LRP1B: variants seen among roughly 807,000 people sequenced by gnomAD.
LRP1B encodes the protein low-density lipoprotein receptor-related protein 1B.
LRP1B carries 217 observed loss-of-function variants against 556.6 expected under a neutral mutation model. The ratio of observed to expected loss-of-function variants is 0.39; its 90% CI spans 0.35 to 0.44. LRP1B has a LOEUF of 0.44. LRP1B is among the 20% of genes least tolerant of loss of function. The probability of loss-of-function intolerance (pLI) is 1.00; values close to 1 mark genes in which losing one functional copy is unlikely to be tolerated. For synonymous variants in LRP1B, 2,047 were observed against 1,865.8 expected (o/e 1.10, Z -2.50); for missense variants, 5,053 against 5,620.8 (o/e 0.90, Z 3.23).
At chr2:141,562,518 A>G (rs1405867937) in intron 2 of LRP1B, among the ~76,000 whole-genome samples, 1 of 151,978 alleles carries the variant, frequency 6.6e-6, no homozygotes, top group African/African-American at 2.4e-5. Context: ...CTGCATTTGC[A>G]TACTTAATAT....
intron 43 of LRP1B, among the ~76,000 whole-genome samples, chr2:140,547,175 G>A (rs1465170141): frequency 6.6e-6 from 1 of 152,128 alleles, no homozygotes; most frequent in East Asian, 1.9e-4. Flanking sequence ...CATGGAATGA[G>A]TTGTTGAAGA....
At chr2:141,672,892 C>T (rs963209525) in intron 2 of LRP1B, among the ~76,000 whole-genome samples, 4 of 152,146 alleles carry the variant, frequency 2.6e-5, no homozygotes, top group Admixed American at 2.6e-4. Flanking sequence ...TTTCCAGTCT[C>T]TGAATTCCTT....
chr2:140,405,814 G>A (rs778275923), intron 66 of LRP1B, among the ~76,000 whole-genome samples: 1 of 152,080 alleles, frequency 6.6e-6, no homozygotes, highest in South Asian at 2.1e-4. Flanking sequence ...CCAAAATATT[G>A]AGAAAGATAG....
At chr2:141,998,173 T>C (rs1702552705) in intron 1 of LRP1B, among the ~76,000 whole-genome samples, 1 of 152,162 alleles carries the variant, frequency 6.6e-6, no homozygotes, top group Admixed American at 6.5e-5. Context: ...GAGGTCCGGT[T>C]AAAAGAGACT....
chr2:140,924,047 A>G (rs1309128166), intron 20 of LRP1B, among the ~76,000 whole-genome samples: 2 of 152,020 alleles, frequency 1.3e-5, no homozygotes, highest in African/African-American at 4.8e-5. Flanking sequence ...CAAAGTTTTA[A>G]TGTAACAAAT....
At chr2:140,992,633 T>C (rs1490728606) in intron 16 of LRP1B, 2 of 152,118 alleles carry the variant, frequency 1.3e-5, no homozygotes, top group Non-Finnish European at 2.9e-5. Context: ...TTCTTTTTAA[T>C]TATTGCACTT....
chr2:140,538,804 T>C (rs1680026373), intron 45 of LRP1B, among the ~76,000 whole-genome samples: 2 of 130,640 alleles, frequency 1.5e-5, no homozygotes, highest in South Asian at 5.7e-4. Context: ...TTATTTACTG[T>C]GTATTTTCCA....
rs1559084708 is a variant in LRP1B at position 141,464,594 on chromosome 2, A to ATTTTTTTTTTT, written c.343+15801_343+15802insAAAAAAAAAAA. Among the ~76,000 whole-genome samples, 305 of 34,662 alleles carry ATTTTTTTTTTT rather than the reference A, an allele frequency of 8.8e-3. 7 individuals are homozygous for ATTTTTTTTTTT. Among genetic ancestry groups the ATTTTTTTTTTT allele is most frequent in the African/African-American group, 0.018 (293 of 16,058 alleles). 22.7% of individuals were successfully genotyped at this position (34,662 alleles called of 152,430 possible). ...CGCCTGGCTAATTTTGTATATATAT[A>ATTTTTTTTTTT]TATATATATATATTTTTTTAGTAGA... On this transcript the variant is annotated intron_variant, in intron 3 of 90. Transcript: ENST00000389484.
chr2:141,331,622 A>C (rs2714186), intron 3 of LRP1B, among the ~76,000 whole-genome samples: 1 of 151,174 alleles, frequency 6.6e-6, no homozygotes, highest in Non-Finnish European at 1.5e-5. Flanking sequence ...TTAAAATTTA[A>C]AAAACACTGA....
At chr2:141,841,009 C>T (rs1225317444) in intron 1 of LRP1B, among the ~76,000 whole-genome samples, 2 of 151,538 alleles carry the variant, frequency 1.3e-5, no homozygotes, top group Admixed American at 1.3e-4. Flanking sequence ...AGTATTTCTA[C>T]CAGTTATGAG....
chr2:141,360,709 C>T (rs150801165), intron 3 of LRP1B, among the ~76,000 whole-genome samples: 30 of 152,234 alleles, frequency 2.0e-4, no homozygotes, highest in African/African-American at 5.1e-4. Flanking sequence ...GACAATTCCC[C>T]GGCAGGAGGA....
intron 2 of LRP1B, among the ~76,000 whole-genome samples, chr2:141,544,934 G>T (rs35935052): frequency 0.15 from 22,737 of 151,996 alleles, 1,773 homozygotes; most frequent in South Asian, 0.29. Flanking sequence ...CCAAAGTGCT[G>T]GGATTTTTAG....
intron 3 of LRP1B, among the ~76,000 whole-genome samples, chr2:141,278,164 A>G (rs1685373348): frequency 6.6e-6 from 1 of 152,098 alleles, no homozygotes; most frequent in Admixed American, 6.5e-5. Flanking sequence ...AAAGGAAAAA[A>G]ATATAATAAA....
chr2:142,130,891 C>T lies in LRP1B; in HGVS notation c.-162G>A. ...AGCTCAATGAGTCCAGCCAGTCAGC[C>T]TTCTCCTGCCTGGAGCAGGATGTGG... On this transcript the variant is annotated 5_prime_UTR_variant, in exon 1 of 91. Transcript: ENST00000389484. The T allele has an allele frequency of 5.9e-6, 4 of 677,598 alleles. No homozygotes were observed. In the Admixed American group the frequency reaches 8.7e-5, roughly 15 times the overall value. 42.0% of individuals were successfully genotyped at this position (677,598 alleles called of 1,614,324 possible).
At chr2:140,373,908 G>A (rs1683106008) in intron 68 of LRP1B, among the ~76,000 whole-genome samples, 1 of 152,082 alleles carries the variant, frequency 6.6e-6, no homozygotes, top group African/African-American at 2.4e-5. Flanking sequence ...GTTTTGCATG[G>A]GCAAAGCTTC....
chr2:140,572,287 C>T (rs191708675), intron 43 of LRP1B, among the ~76,000 whole-genome samples: 172 of 150,930 alleles, frequency 1.1e-3, no homozygotes, highest in African/African-American at 3.5e-3. Flanking sequence ...ACCTAAAAAG[C>T]TCAACAGAAA....
Position 140,447,679 on chromosome 2 carries a change from C to T in LRP1B, c.10057+2889G>A, listed in dbSNP as rs187410104. 1.5e-3 allele frequency among the ~76,000 whole-genome samples: 228 copies of T among 152,160 alleles called. 1 individual carries two copies. Among genetic ancestry groups the T allele is most frequent in the African/African-American group, 5.3e-3 (220 of 41,528 alleles). On this transcript the variant is annotated intron_variant, in intron 63 of 90. Transcript: ENST00000389484. Reference sequence around the variant, plus strand: ...TTTTCTTATAATAACTTTTCCTTTGCATTCATAATTTTGCTGACTGATACA... The same window carrying T: ...TTTTCTTATAATAACTTTTCCTTTGTATTCATAATTTTGCTGACTGATACA...
chr2:140,365,064 T>C (rs1445477270), intron 71 of LRP1B, among the ~76,000 whole-genome samples: 3 of 151,708 alleles, frequency 2.0e-5, no homozygotes, highest in Non-Finnish European at 3.0e-5. Context: ...ATCTAAGTTA[T>C]ACTCTGCTTC....
At chr2:141,275,021 G>C (rs1685230934) in intron 3 of LRP1B, among the ~76,000 whole-genome samples, 1 of 152,074 alleles carries the variant, frequency 6.6e-6, no homozygotes, top group Non-Finnish European at 1.5e-5. Flanking sequence ...AGAAAACCAA[G>C]TTGGAAAAAG....
Sources: gnomAD v4.1 joint callset for allele counts (sites outside exome capture counted in the v4.1 genomes callset) on GRCh38, gnomAD v4.1.1 for gene constraint, MANE v1.5 for transcripts, NCBI Gene and HGNC (gene_info 2026-07-23, HGNC 2026-07-21) for gene names.